DPF3: variants seen among roughly 807,000 people sequenced by gnomAD.
DPF3 encodes the protein double PHD fingers 3.
In DPF3, 18 loss-of-function variants were observed where a neutral mutation model predicts 56.8. The ratio of observed to expected loss-of-function variants is 0.32; its 90% CI spans 0.22 to 0.47. The LOEUF (loss-of-function observed/expected upper bound fraction) is 0.47. Among genes scored for constraint, DPF3 ranks in the 20% least tolerant of loss-of-function variants. The probability of loss-of-function intolerance (pLI) is 1.00; values close to 1 mark genes in which losing one functional copy is unlikely to be tolerated. For synonymous variants in DPF3, 188 were observed against 180.2 expected, an observed-to-expected ratio of 1.04 and a Z score of -0.35; for missense variants, 403 against 488.8, an observed-to-expected ratio of 0.82 and a Z score of 1.65.
chr14:72,869,447 G>A (rs1885806571), intron 1 of DPF3, among the ~76,000 whole-genome samples: 1 of 152,110 alleles, frequency 6.6e-6, no homozygotes, highest in Admixed American at 6.5e-5. Flanking sequence ...GGGGAGACAT[G>A]GATGAAGAAA....
chr14:72,742,141 G>T (rs983772784), intron 3 of DPF3, among the ~76,000 whole-genome samples: 1 of 152,162 alleles, frequency 6.6e-6, no homozygotes, highest in Non-Finnish European at 1.5e-5. Context: ...TGCCCACCTC[G>T]CTCCAGCTCC....
intron 9 of DPF3, among the ~76,000 whole-genome samples, chr14:72,624,694 T>C (rs551214275): frequency 1.1e-4 from 16 of 152,286 alleles, no homozygotes; most frequent in African/African-American, 3.8e-4. Context: ...TTGCATTTAA[T>C]TGTTGTGTTT....
At chr14:72,712,698 C>G (rs756518086) in intron 6 of DPF3, among the ~76,000 whole-genome samples, 29 of 152,152 alleles carry the variant, frequency 1.9e-4, no homozygotes, top group Non-Finnish European at 4.1e-4. Context: ...GACCCCATCT[C>G]TACAGAAAAT....
At chr14:72,661,236 G>A in intron 8 of DPF3, 1 of 985,170 alleles carries the variant, frequency 1.0e-6, no homozygotes, top group South Asian at 4.7e-5. Flanking sequence ...TCAGAGAAAA[G>A]GGCTACAAAA....
chr14:72,713,468 C>A (rs1257596185), intron 6 of DPF3, among the ~76,000 whole-genome samples: 1 of 152,178 alleles, frequency 6.6e-6, no homozygotes, highest in Non-Finnish European at 1.5e-5. Flanking sequence ...CAGACCCTGG[C>A]GAGATGGGTG....
rs548636061 is a variant in DPF3, at chr14:72,783,893, G to C, written c.33-12000C>G. Reference sequence around the variant, plus strand: ...GCCCACGGGTGGTGCCAGGGGCAGCGGCAGGATGGGGGTGGGGCTGCTTGA... The same window carrying C: ...GCCCACGGGTGGTGCCAGGGGCAGCCGCAGGATGGGGGTGGGGCTGCTTGA... On this transcript the variant is annotated intron_variant, in intron 1 of 10. Coordinates refer to ENST00000556509, the MANE Select transcript of DPF3 (RefSeq NM_001280542.3). Among the ~76,000 whole-genome samples the C allele has an allele frequency of 5.3e-5, 8 of 152,210 alleles. No individual in the cohort carries two copies. In the South Asian group the frequency reaches 8.3e-4, roughly 16 times the overall value.
chr14:72,679,358 CA>C (rs1887056094), intron 7 of DPF3: 1 of 152,464 alleles, frequency 6.6e-6, no homozygotes, highest in Non-Finnish European at 1.5e-5. Context: ...TGCACAAAAG[CA>C]TGGCCTCACA....
intron 8 of DPF3, among the ~76,000 whole-genome samples, chr14:72,643,572 C>G (rs1885624539): frequency 6.6e-6 from 1 of 152,260 alleles, no homozygotes; most frequent in African/African-American, 2.4e-5. Context: ...AGAAGCTCCT[C>G]AGCCCCTGGC....
chr14:72,818,055 G>A (rs935134156), intron 1 of DPF3, among the ~76,000 whole-genome samples: 1 of 152,154 alleles, frequency 6.6e-6, no homozygotes. Flanking sequence ...AAACCAGCCT[G>A]GCCAACATGG....
chr14:72,848,188 C>A (rs141873517), intron 1 of DPF3, among the ~76,000 whole-genome samples: 1 of 151,746 alleles, frequency 6.6e-6, no homozygotes, highest in Non-Finnish European at 1.5e-5. Flanking sequence ...CACAGAGTCT[C>A]GCTCTGTCGC....
chr14:72,725,371 T>C (rs1289567385), intron 4 of DPF3, among the ~76,000 whole-genome samples: 1 of 151,870 alleles, frequency 6.6e-6, no homozygotes, highest in Non-Finnish European at 1.5e-5. Flanking sequence ...CATGAGAACA[T>C]GAGCTGAGAA....
intron 1 of DPF3, among the ~76,000 whole-genome samples, chr14:72,798,790 G>A (rs1408815050): frequency 1.3e-5 from 2 of 152,120 alleles, no homozygotes; most frequent in African/African-American, 2.4e-5. Context: ...GCTGAGCTCC[G>A]AGCCCAGGTC....
At position 72,613,950 on chromosome 14, in the gene DPF3, C is replaced by G. The variant is rs1469902476; in HGVS notation, c.*5347G>C. Among the ~76,000 whole-genome samples, 1 of 152,072 alleles carries G rather than the reference C, an allele frequency of 6.6e-6. No homozygotes were observed. Among genetic ancestry groups the G allele is most frequent in the African/African-American group, 2.4e-5 (1 of 41,394 alleles). On this transcript the variant is annotated 3_prime_UTR_variant, in exon 11 of 11. Transcript: ENST00000556509. ...CATCCCGGGTGCCCAGCAGGAAGCA[C>G]CCCCATCTTCCTCTCCCCTCCTTCC... is the stretch of plus-strand genomic sequence containing the variant.
intron 8 of DPF3, among the ~76,000 whole-genome samples, chr14:72,638,992 A>AT (rs1216103580): frequency 6.6e-6 from 1 of 151,786 alleles, no homozygotes; most frequent in East Asian, 1.9e-4. Flanking sequence ...AATTTTTTGT[A>AT]TTTTTTAGTA....
At chr14:72,746,206 T>G (rs1890316683) in intron 3 of DPF3, among the ~76,000 whole-genome samples, 1 of 152,262 alleles carries the variant, frequency 6.6e-6, no homozygotes, top group Admixed American at 6.5e-5. Flanking sequence ...AAAATTCAAA[T>G]GCAAACTTGC....
intron 7 of DPF3, among the ~76,000 whole-genome samples, chr14:72,688,628 C>T (rs577338229): frequency 6.6e-6 from 1 of 152,334 alleles, no homozygotes; most frequent in South Asian, 2.1e-4. Context: ...CAATGGTATG[C>T]TTCTGAGTGT....
intron 1 of DPF3, among the ~76,000 whole-genome samples, chr14:72,870,074 T>C (rs149691945): frequency 6.6e-6 from 1 of 152,170 alleles, no homozygotes; most frequent in Non-Finnish European, 1.5e-5. Context: ...CTTTGGACAG[T>C]TAAAAATAAC....
At chr14:72,634,133 C>T in intron 8 of DPF3, among the ~76,000 whole-genome samples, 1 of 152,184 alleles carries the variant, frequency 6.6e-6, no homozygotes, top group Non-Finnish European at 1.5e-5. Flanking sequence ...CCTTCTCCTC[C>T]ACACTCAGGA....
At chr14:72,783,098 C>T (rs12435078) in intron 1 of DPF3, among the ~76,000 whole-genome samples, 21,993 of 152,106 alleles carry the variant, frequency 0.14, 1,723 homozygotes, top group Middle Eastern at 0.32. Flanking sequence ...CTCTACCTGG[C>T]ATGACATGCT....
Sources: gnomAD v4.1 joint callset for allele counts (sites outside exome capture counted in the v4.1 genomes callset) on GRCh38, gnomAD v4.1.1 for gene constraint, MANE v1.5 for transcripts, NCBI Gene and HGNC (gene_info 2026-07-23, HGNC 2026-07-21) for gene names.